RPRD1B: variants seen among roughly 807,000 people sequenced by gnomAD.
The protein encoded by RPRD1B is regulation of nuclear pre-mRNA domain containing 1B.
Under a neutral mutation model 41.5 loss-of-function variants are expected in RPRD1B, and 11 were observed. The observed-to-expected ratio is 0.27, with a 90% confidence interval of 0.17 to 0.44. RPRD1B has a LOEUF of 0.44. Among genes scored for constraint, RPRD1B ranks in the 20% least tolerant of loss-of-function variants. RPRD1B has a pLI of 1.00. For synonymous variants in RPRD1B, 158 were observed against 155.6 expected (o/e 1.02, Z -0.12); for missense variants, 248 against 389.9 (o/e 0.64, Z 3.06).
At chr20:38,049,915 A>T (rs192883895) in intron 3 of RPRD1B, 141 of 459,362 alleles carry the variant, frequency 3.1e-4, no homozygotes, top group African/African-American at 2.4e-3. Flanking sequence ...GGCCAAACTG[A>T]ATTGCCGACA....
At chr20:38,082,448 G>A (rs910727017) in intron 6 of RPRD1B, among the ~76,000 whole-genome samples, 6 of 152,180 alleles carry the variant, frequency 3.9e-5, no homozygotes, top group Admixed American at 2.6e-4. Context: ...GTAGAGTGGC[G>A]CCATCTCGGC....
At chr20:38,072,852 T>C (rs6013824) in intron 6 of RPRD1B, among the ~76,000 whole-genome samples, 41,889 of 152,100 alleles carry the variant, frequency 0.28, 7,934 homozygotes, top group African/African-American at 0.55. Flanking sequence ...ATGGACTCAA[T>C]GGAGTCACCA....
chr20:38,053,346 G>A lies in RPRD1B; in HGVS notation c.416-4186G>A, dbSNP rs866998343. 4.0e-4 allele frequency among the ~76,000 whole-genome samples: 61 copies of A among 152,268 alleles called. No individual in the cohort carries two copies. In the Middle Eastern group the frequency reaches 0.01, roughly 25 times the overall value. Reference sequence around the variant, plus strand: ...ACCAGGCACTATAACTGCTGACTTCGTAGCAGTGATAGTCATTTCTGGCCT... The same window carrying A: ...ACCAGGCACTATAACTGCTGACTTCATAGCAGTGATAGTCATTTCTGGCCT... On this transcript the variant is annotated intron_variant, in intron 3 of 6. Transcript: ENST00000373433.
chr20:38,079,542 A>G (rs1040324014), intron 6 of RPRD1B, among the ~76,000 whole-genome samples: 1 of 152,288 alleles, frequency 6.6e-6, no homozygotes. Flanking sequence ...ATGTTGCTGC[A>G]GAGGACGTGA....
At chr20:38,040,099 G>A (rs919534815) in intron 1 of RPRD1B, among the ~76,000 whole-genome samples, 3 of 152,130 alleles carry the variant, frequency 2.0e-5, no homozygotes, top group African/African-American at 7.2e-5. Context: ...CATTTTTGCA[G>A]TAGAATAAAT....
rs553957063 is a variant in RPRD1B, at chr20:38,061,821, C to T, written c.655+2301C>T. On this transcript the variant is annotated intron_variant, in intron 5 of 6. Coordinates refer to ENST00000373433, the MANE Select transcript of RPRD1B (RefSeq NM_021215.4). ...AGATTATTTCTTCTTCCTGAAAATA[C>T]TTTCTTCACTTGGTGTAGTAGTTGG... Among the ~76,000 whole-genome samples, 3 of 152,172 alleles carry T rather than the reference C, an allele frequency of 2.0e-5. No individual in the cohort carries two copies. In the East Asian group the frequency reaches 5.8e-4, roughly 29 times the overall value.
intron 2 of RPRD1B, among the ~76,000 whole-genome samples, chr20:38,041,089 T>G (rs944903624): frequency 6.6e-6 from 1 of 152,218 alleles, no homozygotes; most frequent in Non-Finnish European, 1.5e-5. Context: ...CTGGTGCTGT[T>G]GTGTTTTGTG....
intron 2 of RPRD1B, among the ~76,000 whole-genome samples, chr20:38,044,601 C>G (rs371569060): frequency 6.6e-6 from 1 of 152,268 alleles, no homozygotes; most frequent in East Asian, 1.9e-4. Flanking sequence ...GTCTTGATCT[C>G]CTGACCTTGT....
rs1304603344 is a variant in RPRD1B, at chr20:38,059,454, G to C, written c.589G>C (p.Val197Leu). 1.2e-6 allele frequency: 2 copies of C among 1,614,044 alleles called. No individual in the cohort carries two copies. The highest frequency in any genetic ancestry group is 1.3e-5 in the African/African-American group (1 of 75,042). Reference protein sequence around the residue: ...LENAASGDATVRQKIASLPQE... With the variant: ...LENAASGDATLRQKIASLPQE... ...AAATGCCGCATCAGGGGATGCTACT[G>C]TCCGACAGAAAATTGCTTCTCTGCC... is the stretch of plus-strand genomic sequence containing the variant. The change falls in exon 5 of 7, where the codon GTC becomes CTC. Residue 197 changes from valine (V) to leucine (L), a missense_variant. Around this residue, in one of 5 missense-constraint regions of RPRD1B, gnomAD observed 93 missense variants for 167.2 expected, o/e 0.56. Transcript: ENST00000373433.
intron 6 of RPRD1B, among the ~76,000 whole-genome samples, chr20:38,069,752 T>A (rs574776129): frequency 6.6e-6 from 1 of 152,342 alleles, no homozygotes; most frequent in Middle Eastern, 3.4e-3. Context: ...GAAAATATTC[T>A]CACTTGTGTC....
At position 38,089,982 on chromosome 20, in the gene RPRD1B, G is replaced by A. The variant is rs141424674; in HGVS notation, c.*107G>A. On this transcript the variant is annotated 3_prime_UTR_variant, in exon 7 of 7. Transcript: ENST00000373433. ...CTGGTTCTATCCCTTCTTCCGCCCAGCCCCCCAGCCTCAAGAAAGAACCTC... is the reference window on the plus strand; with the variant it reads ...CTGGTTCTATCCCTTCTTCCGCCCAACCCCCCAGCCTCAAGAAAGAACCTC... 938 of 1,491,672 alleles carry A rather than the reference G, an allele frequency of 6.3e-4. 11 individuals carry two copies. The African/African-American group carries it at 0.012, about 19-fold the overall frequency. The allele number at this position is 1,491,672 out of a possible 1,614,324, so 92.4% of individuals were successfully genotyped here.
rs2074348962 is a variant in RPRD1B at position 38,065,825 on chromosome 20, AT to A, written c.656-253del. 1.8e-5 allele frequency: 6 copies of A among 334,148 alleles called. 1 individual carries two copies. In the South Asian group the frequency reaches 6.1e-4, roughly 34 times the overall value. 20.7% of individuals were successfully genotyped at this position (334,148 alleles called of 1,614,324 possible). On this transcript the variant is annotated intron_variant, in intron 5 of 6. Transcript: ENST00000373433. ...CAGGAGAGCTTTTGCAGGAACAGGCATTTAGAAAGCCTTTGCCAGATTCCCC... is the reference window on the plus strand; with the variant it reads ...CAGGAGAGCTTTTGCAGGAACAGGCATTAGAAAGCCTTTGCCAGATTCCCC...
At chr20:38,059,251 G>C in intron 4 of RPRD1B, 143 bp from the exon 5 acceptor site, 6 of 751,716 alleles carry the variant, frequency 8.0e-6, no homozygotes, top group Non-Finnish European at 1.2e-5. Flanking sequence ...TTACATGTAA[G>C]CTCTGGGGCT....
At chr20:38,062,506 T>C (rs982138843) in intron 5 of RPRD1B, among the ~76,000 whole-genome samples, 1 of 152,140 alleles carries the variant, frequency 6.6e-6, no homozygotes, top group Non-Finnish European at 1.5e-5. Flanking sequence ...TTCTGACCTT[T>C]CCTCTAAAAC....
intron 6 of RPRD1B, among the ~76,000 whole-genome samples, chr20:38,069,918 G>A (rs1484532096): frequency 6.6e-6 from 1 of 152,178 alleles, no homozygotes; most frequent in Non-Finnish European, 1.5e-5. Context: ...TACTCTTTGA[G>A]TGCTCTCACA....
At chr20:38,040,400 G>A in intron 1 of RPRD1B, 35 bp from the exon 2 acceptor site, 1 of 1,539,266 alleles carries the variant, frequency 6.5e-7, no homozygotes, top group Non-Finnish European at 8.8e-7. Flanking sequence ...AATTTCTTTG[G>A]TGTAAGTTAA....
At chr20:38,052,637 T>G (rs952904664) in intron 3 of RPRD1B, among the ~76,000 whole-genome samples, 3 of 152,148 alleles carry the variant, frequency 2.0e-5, no homozygotes, top group East Asian at 1.9e-4. Flanking sequence ...TGTGGTTTTT[T>G]TTGTTGTTGT....
At chr20:38,066,434 G>A (rs2074356849) in intron 6 of RPRD1B, among the ~76,000 whole-genome samples, 178 bp downstream of exon 6, 1 of 152,200 alleles carries the variant, frequency 6.6e-6, no homozygotes, top group African/African-American at 2.4e-5. Context: ...TTGAAGTCAT[G>A]TTCTTATATG....
At chr20:38,060,648 A>G (rs1017577817) in intron 5 of RPRD1B, among the ~76,000 whole-genome samples, 1 of 152,138 alleles carries the variant, frequency 6.6e-6, no homozygotes, top group Admixed American at 6.5e-5. Context: ...GCACAGGGAA[A>G]GACCTCAGGC....
Sources: gnomAD v4.1 joint callset for allele counts (sites outside exome capture counted in the v4.1 genomes callset) on GRCh38, gnomAD v4.1.1 for gene constraint, gnomAD v4.1.1 regional missense constraint, MANE v1.5 for transcripts, NCBI Gene and HGNC (gene_info 2026-07-23, HGNC 2026-07-21) for gene names.